RASGRP3: variants seen among roughly 807,000 people sequenced by gnomAD.
The protein encoded by RASGRP3 is ras guanyl-releasing protein 3.
RASGRP3 carries 54 observed loss-of-function variants against 82.7 expected under a neutral mutation model. The ratio of observed to expected loss-of-function variants is 0.65; its 90% CI spans 0.52 to 0.82. The LOEUF is 0.82. RASGRP3 is among the 40% of genes least tolerant of loss of function. RASGRP3 has a pLI of 0.00. For synonymous variants in RASGRP3, 309 were observed against 300.5 expected (o/e 1.03, Z -0.29); for missense variants, 861 against 828.9 (o/e 1.04, Z -0.48).
intron 10 of RASGRP3, chr2:33,531,748 T>C (rs1258468026): frequency 6.6e-6 from 1 of 152,254 alleles, no homozygotes; most frequent in East Asian, 1.9e-4. Context: ...AGTTATCCAT[T>C]TGACACATGG....
chr2:33,523,402 T>G (rs528451765), intron 7 of RASGRP3, among the ~76,000 whole-genome samples: 1 of 151,346 alleles, frequency 6.6e-6, no homozygotes, highest in African/African-American at 2.4e-5. Flanking sequence ...GAGGCGGAGA[T>G]TGCAGTGAGC....
At chr2:33,477,340 T>A (rs1031796117) in intron 1 of RASGRP3, among the ~76,000 whole-genome samples, 2 of 151,934 alleles carry the variant, frequency 1.3e-5, no homozygotes, top group Non-Finnish European at 2.9e-5. Context: ...TATAGCGACT[T>A]TTTTTCCCCC....
chr2:33,470,629 T>A (rs1288257915), intron 2 of RASGRP3, among the ~76,000 whole-genome samples: 1 of 152,154 alleles, frequency 6.6e-6, no homozygotes, highest in Admixed American at 6.5e-5. Flanking sequence ...TCCACCCTCC[T>A]CGGCCTCCCA....
intron 3 of RASGRP3, among the ~76,000 whole-genome samples, chr2:33,515,566 C>G (rs1051992015): frequency 6.6e-6 from 1 of 152,206 alleles, no homozygotes; most frequent in African/African-American, 2.4e-5. Context: ...TGCCTCTTCC[C>G]CCATCCCATA....
intron 2 of RASGRP3, among the ~76,000 whole-genome samples, chr2:33,457,551 T>A (rs774587385): frequency 2.0e-5 from 3 of 152,170 alleles, no homozygotes; most frequent in Non-Finnish European, 2.9e-5. Context: ...AATCGCCTCT[T>A]TTTTTTAGGT....
intron 1 of RASGRP3, among the ~76,000 whole-genome samples, chr2:33,440,380 C>T (rs913967010): frequency 6.6e-6 from 1 of 152,196 alleles, no homozygotes; most frequent in African/African-American, 2.4e-5. Context: ...GTAACATGTC[C>T]ATGATCACAT....
intron 1 of RASGRP3, among the ~76,000 whole-genome samples, chr2:33,489,602 A>G (rs77516470): frequency 0.018 from 2,672 of 152,182 alleles, 143 homozygotes; most frequent in East Asian, 0.14. Flanking sequence ...ATCTGGCTCT[A>G]TTGCCCAGGC....
chr2:33,438,803 T>C (rs955301188), intron 1 of RASGRP3, among the ~76,000 whole-genome samples: 2 of 151,720 alleles, frequency 1.3e-5, no homozygotes, highest in African/African-American at 4.9e-5. Flanking sequence ...TCACCATGTG[T>C]TTACAGTTTA....
chr2:33,465,396 A>G (rs752795510), intron 2 of RASGRP3, among the ~76,000 whole-genome samples: 1 of 152,222 alleles, frequency 6.6e-6, no homozygotes, highest in Non-Finnish European at 1.5e-5. Context: ...CACTATCTCC[A>G]TAACATAAAA....
intron 2 of RASGRP3, among the ~76,000 whole-genome samples, chr2:33,468,153 A>C (rs889274924): frequency 8.6e-5 from 13 of 151,924 alleles, no homozygotes; most frequent in Admixed American, 2.6e-4. Flanking sequence ...GATCTCATTA[A>C]AAAATGAACT....
chr2:33,531,393 G>C (rs1265698716), intron 10 of RASGRP3, among the ~76,000 whole-genome samples: 1 of 152,200 alleles, frequency 6.6e-6, no homozygotes, highest in African/African-American at 2.4e-5. Context: ...GTAAAGCCCA[G>C]AGGAGATCTG....
intron 12 of RASGRP3, among the ~76,000 whole-genome samples, chr2:33,540,440 C>G: frequency 6.8e-6 from 1 of 146,048 alleles, no homozygotes; most frequent in African/African-American, 2.4e-5. Flanking sequence ...TCAGGAATGT[C>G]TGAAGCCAGG....
At chr2:33,450,833 T>C (rs1223836269) in intron 2 of RASGRP3, among the ~76,000 whole-genome samples, 2 of 64,082 alleles carry the variant, frequency 3.1e-5, no homozygotes, top group African/African-American at 7.8e-5. Context: ...TTTTTTTTTT[T>C]TTTTTTTTTT....
At chr2:33,459,651 A>G (rs1340275643) in intron 2 of RASGRP3, among the ~76,000 whole-genome samples, 2 of 142,836 alleles carry the variant, frequency 1.4e-5, no homozygotes, top group African/African-American at 3.1e-5. Flanking sequence ...TTAAGGGAGA[A>G]TAAGGGAGTG....
At chr2:33,539,471 T>C in intron 12 of RASGRP3, 1 of 326,584 alleles carries the variant, frequency 3.1e-6, no homozygotes. Context: ...ATTTGCCACC[T>C]CTGTCATTGT....
At chr2:33,457,134 G>A (rs1003275695) in intron 2 of RASGRP3, among the ~76,000 whole-genome samples, 2 of 152,024 alleles carry the variant, frequency 1.3e-5, no homozygotes. Context: ...GCCTCCCAAA[G>A]TACTGGGGTT....
chr2:33,481,380 C>T (rs1337195435), intron 1 of RASGRP3: 2 of 152,168 alleles, frequency 1.3e-5, no homozygotes, highest in Non-Finnish European at 2.9e-5. Context: ...GCAGGATGGT[C>T]TCGATCTCCT....
chr2:33,516,497 A>C, intron 3 of RASGRP3, 45 bp from the exon 4 acceptor site: 3 of 1,321,178 alleles, frequency 2.3e-6, no homozygotes, highest in Non-Finnish European at 1.1e-6. Flanking sequence ...AAAAGTAAAG[A>C]ATAGCACTAT....
chr2:33,534,206 A>G (rs1045694814), intron 10 of RASGRP3, 117 bp from the exon 11 acceptor site: 1 of 698,104 alleles, frequency 1.4e-6, no homozygotes, highest in Non-Finnish European at 2.5e-6. Context: ...ATTGTTCTGC[A>G]TTTACTCAAA....
Sources: allele counts gnomAD v4.1 joint callset (sites outside exome capture counted in the v4.1 genomes callset), GRCh38; gene constraint gnomAD v4.1.1; transcripts MANE v1.5; gene names NCBI Gene and HGNC (gene_info 2026-07-23, HGNC 2026-07-21).